The following DCAF8L2 variants were observed in gnomAD, a reference collection of about 807,000 sequenced individuals.
DCAF8L2 encodes DDB1 and CUL4 associated factor 8 like 2.
For missense variants in DCAF8L2, 430 were observed against 490.7 expected, an observed-to-expected ratio of 0.88 and a Z score of 1.17; for synonymous variants, 200 against 190.9, an observed-to-expected ratio of 1.05 and a Z score of -0.39.
intron 3 of DCAF8L2, among the ~76,000 whole-genome samples, chrX:27,678,483 C>T (rs746435053): frequency 8.9e-6 from 1 of 111,786 alleles, no homozygotes; most frequent in Admixed American, 9.6e-5. Context: ...TATATAGAAT[C>T]GAATATTATC....
chrX:27,511,569 A>AC, the DCAF8L2 span, among the ~76,000 whole-genome samples: 2 of 112,443 alleles, frequency 1.8e-5, no homozygotes, highest in Non-Finnish European at 3.7e-5. Flanking sequence ...TATGATAACA[A>AC]ACTATTTCTA....
At chrX:27,470,612 G>A in the DCAF8L2 span, among the ~76,000 whole-genome samples, 1 of 112,015 alleles carries the variant, frequency 8.9e-6, no homozygotes, top group Non-Finnish European at 1.9e-5. Context: ...CAAAGAGTAT[G>A]TGTGGGGTCT....
At chrX:27,546,853 T>C in the DCAF8L2 span, among the ~76,000 whole-genome samples, 4 of 112,311 alleles carry the variant, frequency 3.6e-5, no homozygotes, top group East Asian at 8.5e-4. Context: ...TAGGCCTCTT[T>C]ACCTGTGATG....
the DCAF8L2 span, among the ~76,000 whole-genome samples, chrX:27,579,090 A>G: frequency 8.9e-6 from 1 of 112,098 alleles, no homozygotes; most frequent in Non-Finnish European, 1.9e-5. Context: ...TCATTCTATT[A>G]TAAAGATATG....
intron 2 of DCAF8L2, among the ~76,000 whole-genome samples, chrX:27,646,270 A>G (rs1928933565): frequency 9.0e-6 from 1 of 111,472 alleles, no homozygotes; most frequent in African/African-American, 3.3e-5. Flanking sequence ...CACACTTACA[A>G]CTATCTGATC....
intron 2 of DCAF8L2, among the ~76,000 whole-genome samples, chrX:27,659,252 C>G (rs1929467374): frequency 8.9e-6 from 1 of 112,161 alleles, no homozygotes; most frequent in Non-Finnish European, 1.9e-5. Flanking sequence ...AGCTGAAGAC[C>G]TCAATTACAT....
upstream of DCAF8L2, among the ~76,000 whole-genome samples, chrX:27,589,140 C>A (rs1925974974): frequency 9.0e-6 from 1 of 111,623 alleles, no homozygotes; most frequent in Non-Finnish European, 1.9e-5. Flanking sequence ...GAATGCAATT[C>A]TCAGACCAAA....
chrX:27,569,180 T>C, the DCAF8L2 span, among the ~76,000 whole-genome samples: 1 of 111,211 alleles, frequency 9.0e-6, no homozygotes, highest in Non-Finnish European at 1.9e-5. Context: ...ATACTACCAA[T>C]AGTTCAAACC....
chrX:27,583,679 G>T, the DCAF8L2 span, among the ~76,000 whole-genome samples: 2 of 110,959 alleles, frequency 1.8e-5, no homozygotes, highest in African/African-American at 6.6e-5. Context: ...TTAGATTAGC[G>T]TTAGATTCTC....
chrX:27,590,584 CTT>C (rs1926025136), intron 1 of DCAF8L2, 144 bp downstream of exon 1: 1 of 111,072 alleles, frequency 9.0e-6, no homozygotes, highest in African/African-American at 3.3e-5. Flanking sequence ...CGGAAATAGT[CTT>C]GTTTCTTAAT....
chrX:27,747,229 G>C lies in DCAF8L2; in HGVS notation c.334G>C (p.Glu112Gln). 1 of 1,161,125 alleles carries C rather than the reference G, an allele frequency of 8.6e-7. No individual in the cohort carries two copies. The highest frequency in any genetic ancestry group is 1.1e-6 in the Non-Finnish European group (1 of 869,914). Reference protein sequence around the residue: ...HYPLVGEEETEREEEDEEIQE... With the variant: ...HYPLVGEEETQREEEDEEIQE... ...CCCTTTAGTGGGAGAGGAGGAGACA[G>C]AAAGGGAGGAGGAAGACGAAGAGAT... Residue 112 changes from glutamate (E) to glutamine (Q), a missense_variant, in exon 5 of 5, where the codon GAA becomes CAA. Glu to Gln is a conservative substitution (Grantham distance 29, BLOSUM62 2). Transcript: ENST00000451261.
the DCAF8L2 span, among the ~76,000 whole-genome samples, chrX:27,549,039 G>A: frequency 3.6e-3 from 408 of 111,979 alleles, no homozygotes; most frequent in African/African-American, 0.012. Context: ...CACATTTGCA[G>A]TATAGAAAGT....
At chrX:27,514,668 CAAAAAAAA>C in the DCAF8L2 span, among the ~76,000 whole-genome samples, 1 of 2,527 alleles carries the variant, frequency 4.0e-4, no homozygotes, top group African/African-American at 1.2e-3. Flanking sequence ...GACTCCGTCT[CAAAAAAAA>C]AAAAAAAAAA....
At chrX:27,493,505 G>A in the DCAF8L2 span, among the ~76,000 whole-genome samples, 693 of 109,529 alleles carry the variant, frequency 6.3e-3, 2 homozygotes, top group African/African-American at 0.022. Flanking sequence ...GAGGTTAGGA[G>A]TTCAAGACCA....
the DCAF8L2 span, among the ~76,000 whole-genome samples, chrX:27,536,011 A>G: frequency 8.9e-6 from 1 of 111,749 alleles, no homozygotes; most frequent in Non-Finnish European, 1.9e-5. Context: ...ATAATTACTG[A>G]TCTCCAATAT....
At chrX:27,527,214 C>T in the DCAF8L2 span, among the ~76,000 whole-genome samples, 4 of 112,256 alleles carry the variant, frequency 3.6e-5, no homozygotes, top group South Asian at 1.5e-3. Context: ...CTATTCAAGG[C>T]TCAGCAATGG....
At chrX:27,554,470 T>C in the DCAF8L2 span, among the ~76,000 whole-genome samples, 10 of 112,147 alleles carry the variant, frequency 8.9e-5, no homozygotes, top group African/African-American at 2.6e-4. Flanking sequence ...TAAGTGAGGA[T>C]CAGGTCAAGA....
the DCAF8L2 span, among the ~76,000 whole-genome samples, chrX:27,545,278 G>C: frequency 9.0e-6 from 1 of 111,264 alleles, no homozygotes; most frequent in Non-Finnish European, 1.9e-5. Context: ...GTGTCTTCAG[G>C]TGTGATGGCT....
Position 27,747,687 on chromosome X carries a change from G to T in DCAF8L2, c.792G>T (p.Leu264=), listed in dbSNP as rs748326978. The T allele has an allele frequency of 8.3e-7, 1 of 1,210,826 alleles. No individual in the cohort carries two copies. The highest frequency in any genetic ancestry group is 3.0e-5 in the East Asian group (1 of 33,805). Residue 264 remains leucine, a synonymous_variant, in exon 5 of 5, where the codon CTG becomes CTT. Transcript: ENST00000451261. ...ACTGGGTGCGGCAGAGGCCAGTACTGAACTTTGAAAGTGGTCACACAAATA... is the reference window on the plus strand; with the variant it reads ...ACTGGGTGCGGCAGAGGCCAGTACTTAACTTTGAAAGTGGTCACACAAATA... ...VWDWVRQRPV[L]NFESGHTNNV...
Sources: gnomAD v4.1 joint callset for allele counts (sites outside exome capture counted in the v4.1 genomes callset) on GRCh38, gnomAD v4.1.1 for gene constraint, MANE v1.5 for transcripts, NCBI Gene and HGNC (gene_info 2026-07-23, HGNC 2026-07-21) for gene names.